KIF13B: variants seen among roughly 807,000 people sequenced by gnomAD.
The protein encoded by KIF13B is kinesin family member 13B, also known as kinesin-like protein KIF13B.
KIF13B carries 127 observed loss-of-function variants against 222.0 expected under a neutral mutation model. The ratio of observed to expected loss-of-function variants is 0.57; its 90% confidence interval spans 0.50 to 0.66. The LOEUF (loss-of-function observed/expected upper bound fraction) is 0.66, where lower values mean the gene tolerates loss of function less well. Ranked by LOEUF, KIF13B falls within the 30% of genes least tolerant of loss-of-function variation. The pLI is 0.00. For missense variants in KIF13B, 2,173 were observed against 2,379.0 expected (o/e 0.91, Z 1.80); for synonymous variants, 976 against 919.0 (o/e 1.06, Z -1.12).
chr8:29,130,852 T>A (rs926946508), intron 23 of KIF13B, among the ~76,000 whole-genome samples, 187 bp from the exon 24 acceptor site: 2 of 152,152 alleles, frequency 1.3e-5, no homozygotes, highest in Non-Finnish European at 2.9e-5. Context: ...AAAGTTAAAC[T>A]CACAATATCA....
intron 2 of KIF13B, among the ~76,000 whole-genome samples, chr8:29,221,105 T>G (rs1026733362): frequency 2.4e-4 from 7 of 28,640 alleles, no homozygotes; most frequent in Non-Finnish European, 1.3e-3. Context: ...TTCTTTTTTT[T>G]TTTTTTTTTT....
chr8:29,081,863 G>A (rs971596267), intron 37 of KIF13B, among the ~76,000 whole-genome samples: 5 of 152,186 alleles, frequency 3.3e-5, no homozygotes, highest in African/African-American at 1.2e-4. Context: ...CATTTGTAAA[G>A]TACTTCATTG....
At chr8:29,135,468 A>C (rs908366419) in intron 21 of KIF13B, among the ~76,000 whole-genome samples, 1 of 152,208 alleles carries the variant, frequency 6.6e-6, no homozygotes, top group African/African-American at 2.4e-5. Context: ...TGATTAAACC[A>C]ATTTTCACAT....
In KIF13B at chr8:29,070,871, C is replaced by T. The variant is rs151099051; in HGVS notation, c.5219-105G>A. ...CCATGTGCCCACACTGCCACCCCCC[C>T]GCACAGGCCCTACACAGCCAGCACT... On this transcript the variant is annotated intron_variant, in intron 39 of 39. Transcript: ENST00000524189. The surrounding 1 kb of genome is among the most constrained non-coding windows in gnomAD (Gnocchi z 4.1). 9.9e-5 allele frequency: 121 copies of T among 1,222,046 alleles called. No individual in the cohort carries two copies. The highest frequency in any genetic ancestry group is 2.0e-4 in the Middle Eastern group (1 of 4,956). 75.7% of individuals were successfully genotyped at this position (1,222,046 alleles called of 1,614,324 possible).
chr8:29,240,277 A>G (rs1340324233), intron 2 of KIF13B, among the ~76,000 whole-genome samples: 1 of 152,040 alleles, frequency 6.6e-6, no homozygotes, highest in Non-Finnish European at 1.5e-5. Context: ...AGATATGCTT[A>G]AAAAAAGCAG....
chr8:29,201,166 T>C (rs996800270), intron 2 of KIF13B, among the ~76,000 whole-genome samples: 2 of 152,226 alleles, frequency 1.3e-5, no homozygotes, highest in African/African-American at 4.8e-5. Context: ...AGTGACTGTT[T>C]AGTTACTGGA....
chr8:29,206,064 C>T lies in KIF13B; in HGVS notation c.150-9865G>A, dbSNP rs76643328. The stretch of plus-strand genomic sequence containing the variant: ...TATGATTGTGCCACTGAACTCTAGT[C>T]GGGATAACAGAGCAAGACCCCACCT... On this transcript the variant is annotated intron_variant, in intron 2 of 39. Transcript: ENST00000524189. Among the ~76,000 whole-genome samples, 655 of 152,034 alleles carry T rather than the reference C, an allele frequency of 4.3e-3. 2 individuals are homozygous for T. The highest frequency in any genetic ancestry group is 7.6e-3 in the Non-Finnish European group (519 of 67,990).
At chr8:29,111,641 G>A (rs1050214894) in intron 32 of KIF13B, among the ~76,000 whole-genome samples, 2 of 152,110 alleles carry the variant, frequency 1.3e-5, no homozygotes, top group Non-Finnish European at 2.9e-5. Context: ...ATCGCCTGGA[G>A]AATAAAAGCA....
At chr8:29,145,395 C>A (rs1453056125) in intron 18 of KIF13B, among the ~76,000 whole-genome samples, 1 of 152,120 alleles carries the variant, frequency 6.6e-6, no homozygotes, top group African/African-American at 2.4e-5. Context: ...CTTTGGGAGG[C>A]CAAAGCAGGT....
chr8:29,124,568 C>T (rs1233510303), intron 26 of KIF13B, among the ~76,000 whole-genome samples: 4 of 151,518 alleles, frequency 2.6e-5, no homozygotes, highest in African/African-American at 7.3e-5. Context: ...GCTAACACAG[C>T]GAAACCCTGT....
intron 2 of KIF13B, among the ~76,000 whole-genome samples, chr8:29,238,067 A>G (rs1239504531): frequency 6.6e-6 from 1 of 152,216 alleles, no homozygotes; most frequent in Non-Finnish European, 1.5e-5. Context: ...AGCCCCACTC[A>G]AGTCATTTCA....
At chr8:29,167,968 A>G (rs1458164224) in intron 10 of KIF13B, among the ~76,000 whole-genome samples, 2 of 152,218 alleles carry the variant, frequency 1.3e-5, no homozygotes, top group South Asian at 2.1e-4. Flanking sequence ...TAGAGGAACA[A>G]GCATGATACT....
chr8:29,153,594 T>C (rs1811392357), intron 14 of KIF13B, among the ~76,000 whole-genome samples: 1 of 151,970 alleles, frequency 6.6e-6, no homozygotes, highest in Non-Finnish European at 1.5e-5. Flanking sequence ...AGGACTCGTT[T>C]ATTAAGATAC....
Position 29,097,573 on chromosome 8 carries a change from A to G in KIF13B, c.4324+1560T>C, listed in dbSNP as rs780202855. 1.6e-4 allele frequency among the ~76,000 whole-genome samples: 24 copies of G among 152,204 alleles called. 1 individual carries two copies. The highest frequency in any genetic ancestry group is 3.1e-4 in the Non-Finnish European group (21 of 68,046). ...TTAACCAAGATAGAACACAATCTGGAATACAGATTACCCCCAAAAATAAAA... is the reference window on the plus strand; with the variant it reads ...TTAACCAAGATAGAACACAATCTGGGATACAGATTACCCCCAAAAATAAAA... On this transcript the variant is annotated intron_variant, in intron 36 of 39. Coordinates refer to ENST00000524189, the MANE Select transcript of KIF13B (RefSeq NM_015254.4).
At chr8:29,198,935 G>C (rs1476561992) in intron 2 of KIF13B, among the ~76,000 whole-genome samples, 1 of 152,036 alleles carries the variant, frequency 6.6e-6, no homozygotes, top group Non-Finnish European at 1.5e-5. Context: ...GAGCAGGAGG[G>C]GTGAAGGATA....
chr8:29,123,613 T>G, intron 27 of KIF13B, 121 bp from the exon 28 acceptor site: 1 of 1,294,360 alleles, frequency 7.7e-7, no homozygotes, highest in Non-Finnish European at 1.1e-6. Context: ...TCCCCAGTGA[T>G]AAAAACTAAC....
chr8:29,236,393 T>G (rs1815509105), intron 2 of KIF13B, among the ~76,000 whole-genome samples: 1 of 152,144 alleles, frequency 6.6e-6, no homozygotes, highest in Non-Finnish European at 1.5e-5. Flanking sequence ...CAGGGGTGAG[T>G]GACAAGAGCA....
chr8:29,126,097 A>C (rs193189280), intron 26 of KIF13B, among the ~76,000 whole-genome samples: 2 of 152,038 alleles, frequency 1.3e-5, no homozygotes, highest in Admixed American at 6.5e-5. Context: ...AAAAAAAAAA[A>C]CAAAAACAAA....
In KIF13B at chr8:29,132,205, C is replaced by G. The variant is rs543013830; in HGVS notation, c.2942+103G>C. On this transcript the variant is annotated intron_variant, in intron 23 of 39. Transcript: ENST00000524189. The stretch of plus-strand genomic sequence containing the variant: ...AGGCTGCAGTGAGCCAAGATCGTGC[C>G]ACTGCACTCCAGCCTGGGTGACAGA... 83 of 835,966 alleles carry G rather than the reference C, an allele frequency of 9.9e-5. No individual in the cohort carries two copies. In the African/African-American group the frequency reaches 1.3e-3, roughly 13 times the overall value. The allele number at this position is 835,966 out of a possible 1,614,324, so 51.8% of individuals were successfully genotyped here. A position where few individuals can be genotyped will look rare whatever the true frequency, so the allele number is the denominator to read the frequency against.
Sources: allele counts gnomAD v4.1 joint callset (sites outside exome capture counted in the v4.1 genomes callset), GRCh38; gene constraint gnomAD v4.1.1; non-coding constraint Gnocchi (gnomAD v3.1); transcripts MANE v1.5; gene names NCBI Gene and HGNC (gene_info 2026-07-23, HGNC 2026-07-21).